STX8: variants seen among roughly 807,000 people sequenced by gnomAD.
STX8 encodes the protein syntaxin 8, also known as syntaxin-8.
Under a neutral mutation model 37.5 loss-of-function variants are expected in STX8, and 23 were observed. The observed-to-expected ratio is 0.61, with a 90% confidence interval of 0.44 to 0.87. STX8 has a LOEUF of 0.87. Among genes scored for constraint, STX8 ranks in the 40% least tolerant of loss-of-function variants. The pLI is 0.00. For synonymous variants in STX8, 115 were observed against 99.1 expected (o/e 1.16, Z -0.95); for missense variants, 313 against 284.7 (o/e 1.10, Z -0.71).
At chr17:9,405,822 T>G (rs1031459230) in intron 6 of STX8, among the ~76,000 whole-genome samples, 1 of 152,198 alleles carries the variant, frequency 6.6e-6, no homozygotes, top group Non-Finnish European at 1.5e-5. Context: ...CTTGACATGA[T>G]TCAAACAAAA....
At chr17:9,544,507 A>G (rs1017411992) in intron 4 of STX8, among the ~76,000 whole-genome samples, 4 of 152,092 alleles carry the variant, frequency 2.6e-5, no homozygotes, top group Non-Finnish European at 5.9e-5. Flanking sequence ...GCCAATTAAA[A>G]AAAAAAACAA....
At chr17:9,567,643 A>G (rs1013920918) in intron 2 of STX8, among the ~76,000 whole-genome samples, 2 of 152,180 alleles carry the variant, frequency 1.3e-5, no homozygotes, top group African/African-American at 4.8e-5. Context: ...TCTTAGCCAA[A>G]TCCCACCACT....
At chr17:9,435,456 C>T (rs958063747) in intron 6 of STX8, among the ~76,000 whole-genome samples, 3 of 152,156 alleles carry the variant, frequency 2.0e-5, no homozygotes, top group South Asian at 2.1e-4. Flanking sequence ...CACCCATATA[C>T]GTCAGTTTCT....
At chr17:9,535,985 G>A (rs1336920399) in intron 4 of STX8, among the ~76,000 whole-genome samples, 3 of 152,186 alleles carry the variant, frequency 2.0e-5, no homozygotes, top group African/African-American at 7.2e-5. Context: ...AGAATGCTAT[G>A]TATGATATGT....
chr17:9,526,382 C>T (rs1597724606), intron 4 of STX8, among the ~76,000 whole-genome samples: 1 of 152,126 alleles, frequency 6.6e-6, no homozygotes, highest in Non-Finnish European at 1.5e-5. Context: ...CCTAAGACCG[C>T]CCCCACCCGC....
At chr17:9,294,569 G>C (rs1024410199) in intron 7 of STX8, among the ~76,000 whole-genome samples, 2 of 152,204 alleles carry the variant, frequency 1.3e-5, no homozygotes, top group African/African-American at 4.8e-5. Context: ...TCGCTCCTTA[G>C]AGACTTCCAG....
chr17:9,340,690 T>G (rs931863563), intron 7 of STX8, among the ~76,000 whole-genome samples: 11 of 137,870 alleles, frequency 8.0e-5, no homozygotes, highest in Non-Finnish European at 1.7e-4. Flanking sequence ...GGAGTTTTGC[T>G]CTTGTTGCCC....
intron 7 of STX8, among the ~76,000 whole-genome samples, chr17:9,301,405 C>A (rs1437373928): frequency 6.6e-6 from 1 of 151,924 alleles, no homozygotes; most frequent in Non-Finnish European, 1.5e-5. Context: ...TAATATTAAC[C>A]TCTCTTTGTA....
At chr17:9,287,543 C>A (rs1908122796) in intron 7 of STX8, among the ~76,000 whole-genome samples, 1 of 152,128 alleles carries the variant, frequency 6.6e-6, no homozygotes, top group Non-Finnish European at 1.5e-5. Context: ...GGCTCCCAGA[C>A]AATTAACAGC....
At chr17:9,389,542 A>C (rs1912135992) in intron 6 of STX8, among the ~76,000 whole-genome samples, 1 of 152,226 alleles carries the variant, frequency 6.6e-6, no homozygotes, top group Non-Finnish European at 1.5e-5. Context: ...AGGATTAAGA[A>C]ATATTATATG....
intron 6 of STX8, among the ~76,000 whole-genome samples, chr17:9,406,114 T>C (rs1484918851): frequency 6.6e-6 from 1 of 152,216 alleles, no homozygotes. Context: ...ATTATCCTTA[T>C]GATGGATTTA....
At chr17:9,552,301 C>G (rs1357165144) in intron 3 of STX8, among the ~76,000 whole-genome samples, 1 of 152,154 alleles carries the variant, frequency 6.6e-6, no homozygotes, top group Non-Finnish European at 1.5e-5. Context: ...AGGATTTTGC[C>G]ACTGCCCCCC....
At chr17:9,528,234 T>C (rs555278733) in intron 4 of STX8, among the ~76,000 whole-genome samples, 1 of 152,322 alleles carries the variant, frequency 6.6e-6, no homozygotes, top group East Asian at 1.9e-4. Context: ...TCCTGGTTAC[T>C]TGAGGAGAAA....
intron 4 of STX8, among the ~76,000 whole-genome samples, chr17:9,509,556 T>G (rs2142506665): frequency 6.6e-6 from 1 of 152,256 alleles, no homozygotes; most frequent in East Asian, 1.9e-4. Context: ...GTATTACATC[T>G]GGAAGTGAAA....
intron 4 of STX8, among the ~76,000 whole-genome samples, chr17:9,544,866 G>A (rs906968536): frequency 1.3e-5 from 2 of 152,034 alleles, no homozygotes; most frequent in East Asian, 3.9e-4. Context: ...GTGGCGGTGG[G>A]CGCCTGTAAT....
intron 7 of STX8, among the ~76,000 whole-genome samples, chr17:9,301,451 A>C (rs896566475): frequency 6.6e-5 from 10 of 151,318 alleles, no homozygotes; most frequent in Admixed American, 2.6e-4. Context: ...ACAGTGCTTT[A>C]CTTTTTTTTA....
intron 4 of STX8, among the ~76,000 whole-genome samples, chr17:9,516,336 TATATATAG>T: frequency 7.3e-6 from 1 of 136,076 alleles, no homozygotes; most frequent in Non-Finnish European, 1.6e-5. Flanking sequence ...TATATATATA[TATATATAG>T]ACACCTGTTA....
At chr17:9,468,329 C>T (rs1464977246) in intron 6 of STX8, among the ~76,000 whole-genome samples, 1 of 152,108 alleles carries the variant, frequency 6.6e-6, no homozygotes, top group Non-Finnish European at 1.5e-5. Flanking sequence ...AGGCTGGTCT[C>T]AAACTCCTGA....
chr17:9,290,470 G>A lies in STX8; in HGVS notation c.644-39825C>T, dbSNP rs139159233. Among the ~76,000 whole-genome samples, 724 of 152,274 alleles carry A rather than the reference G, an allele frequency of 4.8e-3. 8 individuals carry two copies. Among genetic ancestry groups the A allele is most frequent in the African/African-American group, 0.015 (609 of 41,556 alleles). ...GGCTGCTCAGCAAGCACGTGTGCGC[G>A]TATACGCACAAACACACACACAGGT... is the stretch of plus-strand genomic sequence containing the variant. On this transcript the variant is annotated intron_variant, in intron 7 of 7. Coordinates refer to ENST00000306357, the MANE Select transcript of STX8 (RefSeq NM_004853.3).
Sources: allele counts gnomAD v4.1 joint callset (sites outside exome capture counted in the v4.1 genomes callset), GRCh38; gene constraint gnomAD v4.1.1; transcripts MANE v1.5; gene names NCBI Gene and HGNC (gene_info 2026-07-23, HGNC 2026-07-21).